The following FAM174C variants were observed in gnomAD, a reference collection of about 807,000 sequenced individuals.
The protein encoded by FAM174C is family with sequence similarity 174 member C.
FAM174C carries 19 observed loss-of-function variants against 12.3 expected under a neutral mutation model. That is an observed-to-expected ratio of 1.55 (90% CI 1.08 to 2.27). The LOEUF is 2.27. FAM174C is among the 30% of genes most tolerant of loss of function. The pLI, the probability that FAM174C is intolerant of heterozygous loss-of-function variation, is 0.00. For synonymous variants in FAM174C, 147 were observed against 103.5 expected (o/e 1.42, Z -2.55); for missense variants, 239 against 190.2 (o/e 1.26, Z -1.51).
At chr19:1,277,133 G>A in intron 1 of FAM174C, 50 bp from the exon 2 acceptor site, 4 of 1,510,906 alleles carry the variant, frequency 2.6e-6, no homozygotes, top group South Asian at 2.4e-5. Flanking sequence ...GGAAGGAGGA[G>A]GCAGGGTTGG....
rs2081419194 is a variant in FAM174C at position 1,277,173 on chromosome 19, C to T, written c.282-10C>T. ...GAGGGGCCACTGACTATGCCTGGAC[C>T]TACTTCCAGGTTGAAGAAGCCTCAG... is the stretch of plus-strand genomic sequence containing the variant. On this transcript the variant is annotated splice_polypyrimidine_tract_variant and intron_variant, in intron 1 of 2. Coordinates refer to ENST00000409293, the MANE Select transcript of FAM174C (RefSeq NM_017914.4). 2.0e-6 allele frequency: 3 copies of T among 1,535,704 alleles called. No individual in the cohort carries two copies. Among genetic ancestry groups the T allele is most frequent in the South Asian group, 1.2e-5 (1 of 83,702 alleles).
rs2144600710 is a variant in FAM174C, at chr19:1,279,037, C to A, written c.*260C>A. 2 of 1,611,780 alleles carry A rather than the reference C, an allele frequency of 1.2e-6. No individual in the cohort carries two copies. The highest frequency in any genetic ancestry group is 1.7e-6 in the Non-Finnish European group (2 of 1,179,992). On this transcript the variant is annotated 3_prime_UTR_variant, in exon 3 of 3. Coordinates refer to ENST00000409293, the MANE Select transcript of FAM174C (RefSeq NM_017914.4). ...CCTGGCCGAGGGTCCCAGGTGAAGA[C>A]TGGAGGGACCCCAACAGCCACCGCC...
intron 1 of FAM174C, chr19:1,276,215 C>T (rs1356961063): frequency 4.1e-6 from 1 of 241,940 alleles, no homozygotes; most frequent in East Asian, 1.1e-4. Context: ...ATCTTCCCGC[C>T]TGCCGCCAGG....
Position 1,275,748 on chromosome 19 carries a change from G to A in FAM174C, c.199G>A (p.Gly67Ser). Residue 67 changes from glycine (G) to serine (S), a missense_variant, in exon 1 of 3, where the codon GGC (glycine) becomes AGC (serine). By Grantham distance (56) the Gly-to-Ser change is moderately conservative (BLOSUM62 0). Transcript: ENST00000409293. ...GCACACGCGTCCGCCGGGGGCGTCG[G>A]GCTCGGCGCTGACGCGCTCCTTCTA... ...STHTRPPGASGSALTRSFYVI... is the reference protein window; with the variant it reads ...STHTRPPGASSSALTRSFYVI... 1.3e-6 allele frequency: 2 copies of A among 1,535,696 alleles called. No homozygotes were observed. Among genetic ancestry groups the A allele is most frequent in the East Asian group, 2.5e-5 (1 of 39,996 alleles).
rs1297047044 is a variant in FAM174C at position 1,278,780 on chromosome 19, C to T, written c.*3C>T. 2.5e-6 allele frequency: 4 copies of T among 1,612,584 alleles called. No homozygotes were observed. Among genetic ancestry groups the T allele is most frequent in the African/African-American group, 1.3e-5 (1 of 74,902 alleles). On this transcript the variant is annotated 3_prime_UTR_variant, in exon 3 of 3. Transcript: ENST00000409293. ...ACCCTTGACCCCCTGCTTTCAGATG[C>T]TGAGCCAGGGAGGCGGCCCTTCCAG... is the stretch of plus-strand genomic sequence containing the variant.
rs1156601630 is a variant in FAM174C, at chr19:1,275,708, G to C, written c.159G>C (p.Ala53=). The part of the protein sequence containing the change: ...PAVTNGSQPG[A]PHNSTHTRPP... ...TGACGAACGGGAGCCAGCCGGGCGCGCCACACAACAGCACGCACACGCGTC... is the reference window on the plus strand; with the variant it reads ...TGACGAACGGGAGCCAGCCGGGCGCCCCACACAACAGCACGCACACGCGTC... Residue 53 remains alanine, a synonymous_variant, in exon 1 of 3, where the codon GCG becomes GCC. Coordinates refer to ENST00000409293, the MANE Select transcript of FAM174C (RefSeq NM_017914.4). The C allele has an allele frequency of 6.7e-7, 1 of 1,492,882 alleles. No homozygotes were observed. The highest frequency in any genetic ancestry group is 8.9e-7 in the Non-Finnish European group (1 of 1,129,558). The allele number at this position is 1,492,882 out of a possible 1,614,324, so 92.5% of individuals were successfully genotyped here.
intron 2 of FAM174C, among the ~76,000 whole-genome samples, chr19:1,278,306 C>T (rs917981583): frequency 1.2e-4 from 9 of 77,292 alleles, no homozygotes; most frequent in African/African-American, 3.0e-4. Flanking sequence ...AGATGCCGGG[C>T]GGGACTGGGG....
rs1437879920 is a variant in FAM174C at position 1,277,216 on chromosome 19, C to T, written c.315C>T (p.Leu105=). Reference sequence around the variant, plus strand: ...AGCCTCAGCGGAGGCGATACGGCCTCCTCGCCAACACTGAGGACCCCACGG... The same window carrying T: ...AGCCTCAGCGGAGGCGATACGGCCTTCTCGCCAACACTGAGGACCCCACGG... ...LKKPQRRRYG[L]LANTEDPTEM... is the part of the protein sequence containing the mutation. Residue 105 remains leucine, a synonymous_variant, in exon 2 of 3, where the codon CTC becomes CTT. Transcript: ENST00000409293. The T allele has an allele frequency of 4.5e-6, 7 of 1,547,848 alleles. No individual in the cohort carries two copies. The highest frequency in any genetic ancestry group is 1.4e-5 in the African/African-American group (1 of 73,002).
intron 1 of FAM174C, chr19:1,276,467 C>G (rs1317560413): frequency 6.5e-6 from 1 of 152,680 alleles, no homozygotes; most frequent in Non-Finnish European, 1.5e-5. Context: ...TCCTGACTAC[C>G]CAGTGTGGCT....
At chr19:1,277,476 C>CT (rs937821535) in intron 2 of FAM174C, among the ~76,000 whole-genome samples, 177 bp downstream of exon 2, 125 of 148,898 alleles carry the variant, frequency 8.4e-4, no homozygotes, top group African/African-American at 1.2e-3. Flanking sequence ...CCATTTACAA[C>CT]TTTTTTTTTT....
At position 1,275,711 on chromosome 19, in the gene FAM174C, A is replaced by G. The variant is rs1377046332; in HGVS notation, c.162A>G (p.Pro54=). Residue 54 remains proline, a synonymous_variant, in exon 1 of 3, where the codon CCA becomes CCG. Coordinates refer to ENST00000409293, the MANE Select transcript of FAM174C (RefSeq NM_017914.4). ...AVTNGSQPGA[P]HNSTHTRPPG... ...CGAACGGGAGCCAGCCGGGCGCGCC[A>G]CACAACAGCACGCACACGCGTCCGC... is the stretch of plus-strand genomic sequence containing the variant. The G allele has an allele frequency of 1.8e-5, 27 of 1,514,372 alleles. No individual in the cohort carries two copies. The highest frequency in any genetic ancestry group is 2.3e-5 in the Non-Finnish European group (26 of 1,137,400). The allele number at this position is 1,514,372 out of a possible 1,614,324, so 93.8% of individuals were successfully genotyped here.
intron 1 of FAM174C, 188 bp downstream of exon 1, chr19:1,276,018 C>G: frequency 1.7e-6 from 1 of 576,440 alleles, no homozygotes; most frequent in Non-Finnish European, 3.0e-6. Flanking sequence ...GGCCACGGGA[C>G]TCACCCGCTC....
Position 1,279,068 on chromosome 19 carries a change from C to T in FAM174C, c.*291C>T, listed in dbSNP as rs145063542. The T allele has an allele frequency of 4.2e-4, 684 of 1,612,272 alleles. No individual in the cohort carries two copies. The highest frequency in any genetic ancestry group is 5.4e-4 in the Non-Finnish European group (635 of 1,179,984). On this transcript the variant is annotated 3_prime_UTR_variant, in exon 3 of 3. Coordinates refer to ENST00000409293, the MANE Select transcript of FAM174C (RefSeq NM_017914.4). ...GGACCCCAACAGCCACCGCCCAGGACGCTGAGGCTCCCTTGCCTGACTGTG... is the reference window on the plus strand; with the variant it reads ...GGACCCCAACAGCCACCGCCCAGGATGCTGAGGCTCCCTTGCCTGACTGTG...
intron 2 of FAM174C, among the ~76,000 whole-genome samples, chr19:1,278,574 C>G (rs1269986913): frequency 6.6e-6 from 1 of 151,372 alleles, no homozygotes; most frequent in Non-Finnish European, 1.5e-5. Flanking sequence ...TCTTCTACCT[C>G]CTGGCTGGGG....
intron 2 of FAM174C, 130 bp from the exon 3 acceptor site, chr19:1,278,644 TGGG>T (rs2081426168): frequency 2.0e-6 from 3 of 1,495,652 alleles, no homozygotes; most frequent in Non-Finnish European, 2.7e-6. Flanking sequence ...GGGAGGCCAG[TGGG>T]GGGAGGCTGG....
In FAM174C at chr19:1,275,741, G is replaced by T; in HGVS notation, c.192G>T (p.Gly64=). Residue 64 remains glycine, a synonymous_variant, in exon 1 of 3, where the codon GGG becomes GGT. Transcript: ENST00000409293. ...PHNSTHTRPP[G]ASGSALTRSF... ...ACAGCACGCACACGCGTCCGCCGGG[G>T]GCGTCGGGCTCGGCGCTGACGCGCT... 4 of 1,534,864 alleles carry T rather than the reference G, an allele frequency of 2.6e-6. No individual in the cohort carries two copies. The highest frequency in any genetic ancestry group is 2.6e-6 in the Non-Finnish European group (3 of 1,144,490).
intron 2 of FAM174C, 36 bp from the exon 3 acceptor site, chr19:1,278,741 A>T: frequency 6.2e-7 from 1 of 1,610,052 alleles, no homozygotes; most frequent in South Asian, 1.1e-5. Context: ...CGGGCCCTTC[A>T]CTCCTTCCCT....
rs1369542192 is a variant in FAM174C, at chr19:1,275,684, G to A, written c.135G>A (p.Val45=). The change falls in exon 1 of 3, where the codon GTG becomes GTA. Residue 45 remains valine, a synonymous_variant. Transcript: ENST00000409293. ...TCACGTTGTCGCCGCCGCCGGCCGTGACGAACGGGAGCCAGCCGGGCGCGC... is the reference window on the plus strand; with the variant it reads ...TCACGTTGTCGCCGCCGCCGGCCGTAACGAACGGGAGCCAGCCGGGCGCGC... ...AQVTLSPPPA[V]TNGSQPGAPH... is the part of the protein sequence containing the mutation. The A allele has an allele frequency of 6.8e-7, 1 of 1,467,112 alleles. No individual in the cohort carries two copies. Among genetic ancestry groups the A allele is most frequent in the South Asian group, 1.3e-5 (1 of 75,472 alleles). 90.9% of individuals were successfully genotyped at this position (1,467,112 alleles called of 1,614,324 possible). A position where few individuals can be genotyped will look rare whatever the true frequency, so the allele number is the denominator to read the frequency against.
In FAM174C at chr19:1,279,214, A is replaced by G. The variant is rs2081429073; in HGVS notation, c.*437A>G. 3.1e-6 allele frequency: 5 copies of G among 1,605,898 alleles called. No individual in the cohort carries two copies. The highest frequency in any genetic ancestry group is 4.3e-6 in the Non-Finnish European group (5 of 1,175,884). ...TCGCCGGGCTGGGAACAATAAATGC[A>G]GCCATGTCTCTGCAGCTGGTGCTGA... is the stretch of plus-strand genomic sequence containing the variant. On this transcript the variant is annotated 3_prime_UTR_variant, in exon 3 of 3. Coordinates refer to ENST00000409293, the MANE Select transcript of FAM174C (RefSeq NM_017914.4).
Sources: gnomAD v4.1 joint callset for allele counts (sites outside exome capture counted in the v4.1 genomes callset) on GRCh38, gnomAD v4.1.1 for gene constraint, MANE v1.5 for transcripts, NCBI Gene and HGNC (gene_info 2026-07-23, HGNC 2026-07-21) for gene names.